The following WAC variants were observed in gnomAD, a reference collection of about 807,000 sequenced individuals.
WAC encodes WW domain-containing adapter protein with coiled-coil.
WAC carries 11 observed loss-of-function variants against 79.6 expected under a neutral mutation model. That is an observed-to-expected ratio of 0.14 (90% CI 0.09 to 0.23). The LOEUF (loss-of-function observed/expected upper bound fraction) is 0.23, where lower values mean the gene tolerates loss of function less well. Among genes scored for constraint, WAC ranks in the 10% least tolerant of loss-of-function variants. The pLI, the probability that WAC is intolerant of heterozygous loss-of-function variation, is 1.00. For missense variants in WAC, 728 were observed against 773.5 expected (o/e 0.94, Z 0.70); for synonymous variants, 304 against 276.9 (o/e 1.10, Z -0.97).
At chr10:28,618,976 T>C (rs1841589962) in intron 13 of WAC, among the ~76,000 whole-genome samples, 1 of 152,222 alleles carries the variant, frequency 6.6e-6, no homozygotes, top group Non-Finnish European at 1.5e-5. Flanking sequence ...CCAAAGGAAT[T>C]ATTAAGAAAT....
At chr10:28,566,782 T>C (rs1838640304) in intron 3 of WAC, among the ~76,000 whole-genome samples, 1 of 152,210 alleles carries the variant, frequency 6.6e-6, no homozygotes, top group African/African-American at 2.4e-5. Context: ...TTTTAGAATT[T>C]TTGTTAATGG....
At chr10:28,553,012 C>G (rs1252456269) in intron 3 of WAC, among the ~76,000 whole-genome samples, 2 of 152,056 alleles carry the variant, frequency 1.3e-5, no homozygotes, top group Non-Finnish European at 2.9e-5. Flanking sequence ...GTCCTGCCAG[C>G]TCATGGTAAC....
intron 12 of WAC, 144 bp from the exon 13 acceptor site, chr10:28,617,513 A>G (rs750054463): frequency 1.5e-6 from 1 of 661,958 alleles, no homozygotes; most frequent in South Asian, 3.2e-5. Flanking sequence ...AATTTTCCCC[A>G]TTAGGTTCAC....
intron 7 of WAC, among the ~76,000 whole-genome samples, chr10:28,605,029 T>C (rs1840870564): frequency 6.6e-6 from 1 of 152,226 alleles, no homozygotes; most frequent in African/African-American, 2.4e-5. Flanking sequence ...TGTAAATAAC[T>C]TACAACATGC....
At chr10:28,562,130 T>A (rs1838330361) in intron 3 of WAC, among the ~76,000 whole-genome samples, 1 of 152,144 alleles carries the variant, frequency 6.6e-6, no homozygotes, top group Non-Finnish European at 1.5e-5. Flanking sequence ...CCATCTTGGT[T>A]CACTGCAACT....
At chr10:28,585,990 A>G (rs1260124698) in intron 4 of WAC, among the ~76,000 whole-genome samples, 1 of 152,184 alleles carries the variant, frequency 6.6e-6, no homozygotes, top group Non-Finnish European at 1.5e-5. Flanking sequence ...CATTACTAGA[A>G]TAGATAAAAT....
intron 7 of WAC, among the ~76,000 whole-genome samples, chr10:28,600,110 T>C (rs1319893895): frequency 1.3e-5 from 2 of 152,168 alleles, no homozygotes; most frequent in Non-Finnish European, 2.9e-5. Context: ...TTTAGTGATT[T>C]AGAATTATGA....
At chr10:28,581,656 G>A (rs1839543982) in intron 3 of WAC, among the ~76,000 whole-genome samples, 1 of 152,124 alleles carries the variant, frequency 6.6e-6, no homozygotes, top group Non-Finnish European at 1.5e-5. Context: ...CCAGGTTCAA[G>A]TGATGCTCAT....
At chr10:28,544,412 G>A (rs1589131332) in intron 3 of WAC, among the ~76,000 whole-genome samples, 1 of 152,186 alleles carries the variant, frequency 6.6e-6, no homozygotes, top group African/African-American at 2.4e-5. Flanking sequence ...TCGCTAGCTA[G>A]ATGACCTAAC....
At chr10:28,537,217 G>T (rs1401349888) in intron 3 of WAC, among the ~76,000 whole-genome samples, 1 of 152,190 alleles carries the variant, frequency 6.6e-6, no homozygotes, top group Non-Finnish European at 1.5e-5. Context: ...AGGTGTATTT[G>T]ATTATTAAAG....
At chr10:28,606,577 C>CTA (rs1840964351) in intron 7 of WAC, among the ~76,000 whole-genome samples, 1 of 152,176 alleles carries the variant, frequency 6.6e-6, no homozygotes, top group African/African-American at 2.4e-5. Context: ...CTTTAGAGAG[C>CTA]TATTATCCCT....
chr10:28,601,072 A>G (rs1840620200), intron 7 of WAC, among the ~76,000 whole-genome samples: 1 of 152,178 alleles, frequency 6.6e-6, no homozygotes, highest in African/African-American at 2.4e-5. Flanking sequence ...AGGCAACAAA[A>G]GAAAAAAATA....
intron 2 of WAC, 157 bp downstream of exon 2, chr10:28,534,191 C>A: frequency 1.5e-6 from 1 of 667,148 alleles, no homozygotes; most frequent in Non-Finnish European, 2.4e-6. Context: ...AGGTTTGGTT[C>A]CTTTAGCGCT....
In WAC at chr10:28,617,595, A is replaced by G. The variant is rs565634975; in HGVS notation, c.1747-62A>G. 259 of 1,404,056 alleles carry G rather than the reference A, an allele frequency of 1.8e-4. No individual in the cohort carries two copies. In the African/African-American group the frequency reaches 3.7e-3, roughly 20 times the overall value. 87.0% of individuals were successfully genotyped at this position (1,404,056 alleles called of 1,614,324 possible). A position where few individuals can be genotyped will look rare whatever the true frequency, so the allele number is the denominator to read the frequency against. On this transcript the variant is annotated intron_variant, in intron 12 of 13. Transcript: ENST00000354911. ...GTATAAAATTGTACTCAGAAATTTA[A>G]TGTTTTATTTTGTGTATGTTAATGT... is the stretch of plus-strand genomic sequence containing the variant.
At chr10:28,544,030 G>T (rs546845484) in intron 3 of WAC, among the ~76,000 whole-genome samples, 3 of 152,154 alleles carry the variant, frequency 2.0e-5, no homozygotes, top group East Asian at 3.9e-4. Flanking sequence ...TTACAGGTGC[G>T]CACTGCCACG....
intron 4 of WAC, chr10:28,589,392 A>C (rs1275775472): frequency 5.8e-6 from 1 of 171,226 alleles, no homozygotes; most frequent in Non-Finnish European, 1.2e-5. Flanking sequence ...TCTAGTCGAG[A>C]GTGCATTCCC....
chr10:28,601,198 T>C (rs1054970063), intron 7 of WAC, among the ~76,000 whole-genome samples: 2 of 152,132 alleles, frequency 1.3e-5, no homozygotes, highest in East Asian at 3.8e-4. Context: ...AATGAATATA[T>C]GTAGAAGTCC....
rs966502333 is a variant in WAC at position 28,582,807 on chromosome 10, A to G, written c.275-592A>G. 2.0e-5 allele frequency among the ~76,000 whole-genome samples: 3 copies of G among 152,152 alleles called. No individual in the cohort carries two copies. The South Asian group carries it at 6.2e-4, about 31-fold the overall frequency. On this transcript the variant is annotated intron_variant, in intron 3 of 13. Coordinates refer to ENST00000354911, the MANE Select transcript of WAC (RefSeq NM_016628.5). ...ATAAAACTTGAGTTACTCTTAAGCA[A>G]TTTTTAGATAGAGTTGGACCTGTTA...
chr10:28,611,663 G>GT (rs1420070460), intron 9 of WAC, 111 bp from the exon 10 acceptor site: 2 of 1,369,258 alleles, frequency 1.5e-6, no homozygotes, highest in East Asian at 2.4e-5. Flanking sequence ...TAATATGGGG[G>GT]TGGGGGGGTT....
Sources: gnomAD v4.1 joint callset for allele counts (sites outside exome capture counted in the v4.1 genomes callset) on GRCh38, gnomAD v4.1.1 for gene constraint, MANE v1.5 for transcripts, NCBI Gene and HGNC (gene_info 2026-07-23, HGNC 2026-07-21) for gene names.